Variants in MYH3 observed in about 807,000 individuals in gnomAD.
MYH3 encodes the protein myosin-3.
In MYH3, 130 loss-of-function variants were observed where a neutral mutation model predicts 238.0. The observed-to-expected ratio is 0.55, with a 90% confidence interval of 0.47 to 0.63. The LOEUF (loss-of-function observed/expected upper bound fraction) is 0.63, where lower values mean the gene tolerates loss of function less well. Among genes scored for constraint, MYH3 ranks in the 30% least tolerant of loss-of-function variants. The pLI, the probability that MYH3 is intolerant of heterozygous loss-of-function variation, is 0.00. For missense variants in MYH3, 1,853 were observed against 2,374.9 expected (o/e 0.78, Z 4.57); for synonymous variants, 880 against 924.1 (o/e 0.95, Z 0.86).
chr17:10,630,207 G>A lies in MYH3; in HGVS notation c.5458-11C>T. Reference sequence around the variant, plus strand: ...CTCCAGCTCTCGGATCTGGGGGAGAGGGTGGGGAAATTAGTCTGGGGCTGC... The same window carrying A: ...CTCCAGCTCTCGGATCTGGGGGAGAAGGTGGGGAAATTAGTCTGGGGCTGC... On this transcript the variant is annotated splice_polypyrimidine_tract_variant and intron_variant, in intron 37 of 40. Coordinates refer to ENST00000583535, the MANE Select transcript of MYH3 (RefSeq NM_002470.4). 1 of 1,614,164 alleles carries A rather than the reference G, an allele frequency of 6.2e-7. No homozygotes were observed. Among genetic ancestry groups the A allele is most frequent in the Non-Finnish European group, 8.5e-7 (1 of 1,180,016 alleles).
intron 26 of MYH3, 24 bp downstream of exon 26, chr17:10,638,849 G>A (rs745709496): frequency 1.2e-6 from 2 of 1,607,806 alleles, no homozygotes; most frequent in African/African-American, 2.7e-5. Flanking sequence ...TCACATGGAA[G>A]AGAGAAATGC....
chr17:10,638,683 T>C (rs1198534107), intron 26 of MYH3, among the ~76,000 whole-genome samples, 190 bp downstream of exon 26: 3 of 152,242 alleles, frequency 2.0e-5, no homozygotes, highest in Non-Finnish European at 4.4e-5. Flanking sequence ...ACTTTAATTA[T>C]GGATTAAAGT....
In MYH3 at chr17:10,640,140, A is replaced by T. The variant is rs150248606; in HGVS notation, c.2538T>A (p.Thr846=). 456 of 1,613,972 alleles carry T rather than the reference A, an allele frequency of 2.8e-4. No homozygotes were observed. Among genetic ancestry groups the T allele is most frequent in the Non-Finnish European group, 3.6e-4 (424 of 1,180,036 alleles). ...KIKPLLKSAE[T]EKEMATMKEE... is the part of the protein sequence containing the mutation. The stretch of plus-strand genomic sequence containing the variant: ...CCTTCATGGTGGCCATCTCTTTCTC[A>T]GTCTCTGCACTCTTGAGGAGGGGCT... The change falls in exon 22 of 41, where the codon ACT becomes ACA. Residue 846 remains threonine, a synonymous_variant. Transcript: ENST00000583535.
rs764398216 is a variant in MYH3, at chr17:10,637,834, C to G, written c.3831G>C (p.Gln1277His). 4 of 1,614,062 alleles carry G rather than the reference C, an allele frequency of 2.5e-6. No homozygotes were observed. In the African/African-American group the frequency reaches 5.3e-5, roughly 22 times the overall value. ...CAGCCTCGGTCTGCAAACGAGACTTCTGTGTGGTCAGCTCGCTCAGGCTCC... is the reference window on the plus strand; with the variant it reads ...CAGCCTCGGTCTGCAAACGAGACTTGTGTGTGGTCAGCTCGCTCAGGCTCC... ...IQRSLSELTT[Q>H]KSRLQTEAGE... Residue 1277 changes from glutamine (Q) to histidine (H), a missense_variant, in exon 28 of 41, where the codon CAG (glutamine) becomes CAC (histidine). Around this residue, in one of 3 missense-constraint regions of MYH3, gnomAD observed 1,044 missense variants for 1,192.6 expected, o/e 0.88. Transcript: ENST00000583535.
At chr17:10,647,132 G>T in intron 10 of MYH3, 50 bp downstream of exon 10, 1 of 1,345,254 alleles carries the variant, frequency 7.4e-7, no homozygotes, top group Non-Finnish European at 1.1e-6. Flanking sequence ...TTGGTCTAGT[G>T]ATCAGAGTCA....
At chr17:10,636,288 C>CAAAAAAA (rs397786526) in intron 28 of MYH3, among the ~76,000 whole-genome samples, 2 of 81,014 alleles carry the variant, frequency 2.5e-5, no homozygotes, top group African/African-American at 5.2e-5. Context: ...GCCTCAATCT[C>CAAAAAAA]AAAAAAAAAA....
the MYH3 span, chr17:10,674,325 C>A: frequency 6.0e-6 from 1 of 167,470 alleles, no homozygotes; most frequent in South Asian, 1.3e-4. Context: ...ACTTGGGAGG[C>A]TGAGGCAGCA....
chr17:10,657,798 A>C (rs770933672), upstream of MYH3, among the ~76,000 whole-genome samples: 13 of 152,180 alleles, frequency 8.5e-5, no homozygotes, highest in Admixed American at 3.3e-4. Context: ...TTGTGATTGC[A>C]AAACCTGTGC....
upstream of MYH3, among the ~76,000 whole-genome samples, chr17:10,660,139 G>A (rs140716015): frequency 2.0e-5 from 3 of 152,264 alleles, no homozygotes; most frequent in East Asian, 1.9e-4. Flanking sequence ...TCTGTAAAAC[G>A]GGGGTGACAT....
At position 10,652,511 on chromosome 17, in the gene MYH3, T is replaced by A; in HGVS notation, c.257A>T (p.Asp86Val). ...CAGCATGGCCATGTCTTCGATCCTG[T>A]CGAACTTGGGGGGGTTCATGGCGTA... ...DVYAMNPPKF[D>V]RIEDMAMLTH... The change falls in exon 4 of 41, where the codon GAC becomes GTC. Residue 86 changes from aspartate (D) to valine (V), a missense_variant. Asp to Val is a radical substitution (Grantham distance 152). Coordinates refer to ENST00000583535, the MANE Select transcript of MYH3 (RefSeq NM_002470.4). The A allele has an allele frequency of 6.2e-7, 1 of 1,613,374 alleles. No individual in the cohort carries two copies. Among genetic ancestry groups the A allele is most frequent in the Non-Finnish European group, 8.5e-7 (1 of 1,179,810 alleles).
intron 7 of MYH3, 98 bp downstream of exon 7, chr17:10,649,479 G>A: frequency 2.1e-6 from 2 of 948,516 alleles, no homozygotes; most frequent in South Asian, 2.6e-5. Flanking sequence ...TCCATTCTCT[G>A]AAGAGGGGGG....
the MYH3 span, among the ~76,000 whole-genome samples, chr17:10,664,480 G>T: frequency 1.3e-4 from 20 of 152,264 alleles, no homozygotes; most frequent in Non-Finnish European, 2.5e-4. Context: ...GGACGGTTCA[G>T]GAGTTATGAC....
the MYH3 span, among the ~76,000 whole-genome samples, chr17:10,670,571 G>C: frequency 0.15 from 22,445 of 152,050 alleles, 5,492 homozygotes; most frequent in African/African-American, 0.51. This position sits in a 1 kb window ranked among gnomAD's most constrained non-coding sequence, Gnocchi z 7.0. Flanking sequence ...AGCCTCCCTA[G>C]TAGCTGGGAT....
the MYH3 span, among the ~76,000 whole-genome samples, chr17:10,669,993 T>A: frequency 6.6e-6 from 1 of 152,226 alleles, no homozygotes; most frequent in South Asian, 2.1e-4. Flanking sequence ...CAAGAGAGAT[T>A]TACTTGGACC....
chr17:10,645,078 C>T (rs2074307733), intron 12 of MYH3, among the ~76,000 whole-genome samples: 2 of 150,700 alleles, frequency 1.3e-5, no homozygotes, highest in African/African-American at 4.9e-5. Flanking sequence ...TACTGTGTTG[C>T]CCAGGCTGGA....
rs140218185 is a variant in MYH3, at chr17:10,635,457, G to A, written c.4082C>T (p.Ala1361Val). The A allele has an allele frequency of 1.5e-3, 2,451 of 1,614,110 alleles. 4 individuals are homozygous for A. Among genetic ancestry groups the A allele is most frequent in the Non-Finnish European group, 2.0e-3 (2,308 of 1,179,964 alleles). The change falls in exon 30 of 41, where the codon GCG becomes GTG. Residue 1361 changes from alanine to valine, a missense_variant. By Grantham distance (64) the Ala-to-Val change is moderately conservative (BLOSUM62 0). Coordinates refer to ENST00000583535, the MANE Select transcript of MYH3 (RefSeq NM_002470.4). ...AACCTCACTATTGGCCTTGGACAGC[G>A]CCCTCTGCAGCTCAGCTTTGCCTTC... ...EQEGKAELQR[A>V]LSKANSEVAQ...
chr17:10,661,038 G>A (rs144146822), upstream of MYH3, among the ~76,000 whole-genome samples: 1,755 of 151,024 alleles, frequency 0.012, 34 homozygotes, highest in African/African-American at 0.039. Context: ...GTGCGATGGC[G>A]CTATCTTAGC....
intron 40 of MYH3, among the ~76,000 whole-genome samples, chr17:10,629,053 A>G (rs1219763639): frequency 6.6e-6 from 1 of 151,944 alleles, no homozygotes; most frequent in Non-Finnish European, 1.5e-5. Flanking sequence ...ATACATGTGC[A>G]GAACGTGCAG....
chr17:10,640,532 A>T, intron 20 of MYH3, 31 bp downstream of exon 20: 1 of 1,614,230 alleles, frequency 6.2e-7, no homozygotes, highest in Non-Finnish European at 8.5e-7. Flanking sequence ...GAGGACGAAA[A>T]GGCCAGCATC....
Sources: allele counts gnomAD v4.1 joint callset (sites outside exome capture counted in the v4.1 genomes callset), GRCh38; gene constraint gnomAD v4.1.1; regional missense constraint gnomAD v4.1.1; non-coding constraint Gnocchi (gnomAD v3.1); transcripts MANE v1.5; gene names NCBI Gene and HGNC (gene_info 2026-07-23, HGNC 2026-07-21).